ARHGAP32: variants seen among roughly 807,000 people sequenced by gnomAD.
The protein encoded by ARHGAP32 is rho GTPase-activating protein 32.
A neutral mutation model predicts 186.5 loss-of-function variants in ARHGAP32; 51 were observed. The ratio of observed to expected loss-of-function variants is 0.27; its 90% CI spans 0.22 to 0.35. ARHGAP32 has a LOEUF of 0.35. ARHGAP32 is among the 10% of genes least tolerant of loss of function. ARHGAP32 has a pLI of 1.00. For missense variants in ARHGAP32, 2,186 were observed against 2,623.5 expected (o/e 0.83, Z 3.64); for synonymous variants, 950 against 964.3 (o/e 0.99, Z 0.27).
chr11:129,025,462 C>T (rs1453567753), intron 11 of ARHGAP32, among the ~76,000 whole-genome samples: 1 of 152,132 alleles, frequency 6.6e-6, no homozygotes, highest in African/African-American at 2.4e-5. Flanking sequence ...ACATTTTGAT[C>T]TTTACCAATG....
intron 11 of ARHGAP32, among the ~76,000 whole-genome samples, chr11:129,025,318 C>G (rs954663306): frequency 2.0e-5 from 3 of 152,160 alleles, no homozygotes; most frequent in Non-Finnish European, 4.4e-5. Flanking sequence ...TGAATTTATT[C>G]TTTCCTTCCT....
rs1317341580 is a variant in ARHGAP32, at chr11:128,974,629, T to C, written c.2568A>G (p.Gln856=). ...NKKDAETGSS[Q]CQTPGSTASS... is the part of the protein sequence containing the mutation. ...TTGCTGTGCTTCCTGGAGTCTGACA[T>C]TGGCTACTACCTGTTTCTGCATCCT... The change falls in exon 21 of 23, where the codon CAA becomes CAG. Residue 856 remains glutamine (Q), a synonymous_variant. Transcript: ENST00000682385. 7.4e-6 allele frequency: 12 copies of C among 1,614,034 alleles called. No homozygotes were observed. The highest frequency in any genetic ancestry group is 1.7e-5 in the Admixed American group (1 of 60,000).
chr11:129,252,763 C>T (rs1945202348), intron 1 of ARHGAP32, among the ~76,000 whole-genome samples: 1 of 152,170 alleles, frequency 6.6e-6, no homozygotes, highest in Non-Finnish European at 1.5e-5. Flanking sequence ...CTCGGGGAGG[C>T]TACCTCCTTG....
chr11:129,005,033 T>C (rs997890672), intron 11 of ARHGAP32, among the ~76,000 whole-genome samples: 1 of 152,152 alleles, frequency 6.6e-6, no homozygotes, highest in African/African-American at 2.4e-5. Flanking sequence ...TTTTTGTGTA[T>C]GCATTGTATA....
intron 1 of ARHGAP32, among the ~76,000 whole-genome samples, chr11:129,173,450 T>G (rs138335612): frequency 1.3e-5 from 2 of 152,024 alleles, no homozygotes; most frequent in Non-Finnish European, 2.9e-5. Flanking sequence ...AAGGAGGGAC[T>G]CCTCCCTAAC....
intron 1 of ARHGAP32, among the ~76,000 whole-genome samples, chr11:129,200,427 T>C (rs888982597): frequency 3.3e-5 from 5 of 152,180 alleles, no homozygotes; most frequent in Admixed American, 6.5e-5. Context: ...ACTTTTCTCA[T>C]GGTAGTAAGT....
rs538592732 is a variant in ARHGAP32, at chr11:128,993,994, T to C, written c.1195+4325A>G. On this transcript the variant is annotated intron_variant, in intron 12 of 22. Transcript: ENST00000682385. ...AACAGATGAACACTGTAGTTTAACC[T>C]GCTATTTTTCAGAAAGAAGTGATAT... 2.0e-5 allele frequency among the ~76,000 whole-genome samples: 3 copies of C among 152,242 alleles called. No homozygotes were observed. In the South Asian group the frequency reaches 6.2e-4, roughly 32 times the overall value.
intron 1 of ARHGAP32, among the ~76,000 whole-genome samples, chr11:129,241,316 C>G (rs1945014547): frequency 1.3e-5 from 2 of 152,174 alleles, no homozygotes; most frequent in South Asian, 4.2e-4. Context: ...AAATTTGCAT[C>G]AAGTGTTATA....
chr11:129,131,890 A>G (rs1418995545), intron 2 of ARHGAP32, among the ~76,000 whole-genome samples: 1 of 152,232 alleles, frequency 6.6e-6, no homozygotes, highest in Non-Finnish European at 1.5e-5. Flanking sequence ...TAGACCTGAC[A>G]GCAGCCCAAA....
intron 2 of ARHGAP32, among the ~76,000 whole-genome samples, chr11:129,160,975 G>A (rs1189436119): frequency 6.6e-6 from 1 of 152,152 alleles, no homozygotes; most frequent in South Asian, 2.1e-4. Flanking sequence ...CAATGGTACA[G>A]AACAGAAGCC....
chr11:129,236,955 T>C (rs1401087594), intron 1 of ARHGAP32, among the ~76,000 whole-genome samples: 1 of 152,230 alleles, frequency 6.6e-6, no homozygotes, highest in Non-Finnish European at 1.5e-5. Context: ...GTTTTCATCA[T>C]AAAGGGATGC....
In ARHGAP32 at chr11:129,163,497, C is replaced by T. The variant is rs149671475; in HGVS notation, c.225+822G>A. 4.1e-4 allele frequency among the ~76,000 whole-genome samples: 62 copies of T among 152,252 alleles called. No homozygotes were observed. The East Asian group carries it at 0.011, about 27-fold the overall frequency. On this transcript the variant is annotated intron_variant, in intron 2 of 22. Coordinates refer to ENST00000682385, the MANE Select transcript of ARHGAP32 (RefSeq NM_001378024.1). ...CTATAAATTCCATTCTTCAGGTTGA[C>T]GAAGCCAAAAAACTTGAAGCCATTC...
At chr11:129,202,545 T>C (rs532687664) in intron 1 of ARHGAP32, among the ~76,000 whole-genome samples, 1 of 152,196 alleles carries the variant, frequency 6.6e-6, no homozygotes, top group African/African-American at 2.4e-5. Flanking sequence ...AGTAAAATCA[T>C]GTATGCGATA....
chr11:129,244,822 T>A (rs1945069413), intron 1 of ARHGAP32, among the ~76,000 whole-genome samples: 1 of 152,096 alleles, frequency 6.6e-6, no homozygotes, highest in Middle Eastern at 3.2e-3. Flanking sequence ...AGAAGACATT[T>A]ATGCAGCCAA....
chr11:129,198,579 A>G (rs1944421374), intron 1 of ARHGAP32, among the ~76,000 whole-genome samples: 1 of 152,062 alleles, frequency 6.6e-6, no homozygotes, highest in Non-Finnish European at 1.5e-5. Context: ...GCTGGCTGCC[A>G]TGTAAGATGT....
At chr11:129,058,451 C>T (rs1412028306) in intron 10 of ARHGAP32, among the ~76,000 whole-genome samples, 1 of 152,086 alleles carries the variant, frequency 6.6e-6, no homozygotes, top group African/African-American at 2.4e-5. Context: ...GAACATGTTT[C>T]CCTATTAACT....
chr11:129,035,734 C>T (rs924515531), intron 11 of ARHGAP32, among the ~76,000 whole-genome samples: 1 of 151,986 alleles, frequency 6.6e-6, no homozygotes, highest in African/African-American at 2.4e-5. Context: ...ATCCCAGCTA[C>T]TCAGGAGGCA....
At chr11:129,177,866 G>A (rs1324117444) in intron 1 of ARHGAP32, among the ~76,000 whole-genome samples, 6 of 152,256 alleles carry the variant, frequency 3.9e-5, no homozygotes, top group South Asian at 2.1e-4. Flanking sequence ...CATTCCCTTC[G>A]AAAACTGGCA....
chr11:129,206,426 G>T (rs1944514959), intron 1 of ARHGAP32, among the ~76,000 whole-genome samples: 1 of 152,056 alleles, frequency 6.6e-6, no homozygotes, highest in Admixed American at 6.6e-5. Context: ...TGTCCCGGCT[G>T]GTCTCAAACT....
Sources: allele counts gnomAD v4.1 joint callset (sites outside exome capture counted in the v4.1 genomes callset), GRCh38; gene constraint gnomAD v4.1.1; transcripts MANE v1.5; gene names NCBI Gene and HGNC (gene_info 2026-07-23, HGNC 2026-07-21).